Variants in ZDHHC19 observed in about 807,000 individuals in gnomAD.
ZDHHC19 encodes the protein palmitoyltransferase ZDHHC19.
Under a neutral mutation model 33.9 loss-of-function variants are expected in ZDHHC19, and 30 were observed. That is an observed-to-expected ratio of 0.88 (90% CI 0.66 to 1.20). The LOEUF is 1.20. Ranked by LOEUF, ZDHHC19 falls within the 50% of genes most tolerant of loss-of-function variation. ZDHHC19 has a pLI of 0.00. For missense variants in ZDHHC19, 364 were observed against 401.1 expected (o/e 0.91, Z 0.79); for synonymous variants, 178 against 167.6 (o/e 1.06, Z -0.48).
intron 2 of ZDHHC19, among the ~76,000 whole-genome samples, chr3:196,210,257 A>AAAG (rs1723116969): frequency 1.6e-5 from 2 of 127,122 alleles, no homozygotes; most frequent in African/African-American, 6.0e-5. Context: ...AAGAAAAAGA[A>AAAG]AGAAAGAAAA....
chr3:196,210,247 A>T lies in ZDHHC19; in HGVS notation c.268+369T>A, dbSNP rs543653272. On this transcript the variant is annotated intron_variant, in intron 2 of 7. Transcript: ENST00000296326. ...AAGAAAGGAAAGAAGGAAAGAAAGA[A>T]AGAAAAAGAAAGAAAGAAAAGAGAA... Among the ~76,000 whole-genome samples, 6 of 139,582 alleles carry T rather than the reference A, an allele frequency of 4.3e-5. No homozygotes were observed. The East Asian group carries it at 1.2e-3, about 29-fold the overall frequency. The allele number at this position is 139,582 out of a possible 152,430, so 91.6% of individuals were successfully genotyped here. A position where few individuals can be genotyped will look rare whatever the true frequency, so the allele number is the denominator to read the frequency against.
At chr3:196,206,635 G>A (rs1272931326) in intron 5 of ZDHHC19, among the ~76,000 whole-genome samples, 2 of 151,020 alleles carry the variant, frequency 1.3e-5, no homozygotes, top group East Asian at 3.9e-4. Context: ...TTACAGGCAT[G>A]AGCCACGGGG....
chr3:196,201,159 G>A lies in ZDHHC19; in HGVS notation c.688-2285C>T, dbSNP rs922693251. ...ACGATCTTGGCTCACTGCAACCTCC[G>A]CCTCCCGGGTTCAAGCGATTCTTCT... On this transcript the variant is annotated intron_variant, in intron 5 of 7. Transcript: ENST00000296326. Among the ~76,000 whole-genome samples the A allele has an allele frequency of 1.4e-4, 21 of 151,492 alleles. 1 individual carries two copies. The South Asian group carries it at 1.9e-3, about 14-fold the overall frequency.
intron 5 of ZDHHC19, chr3:196,199,215 A>T (rs1722045771): frequency 1.6e-5 from 5 of 306,578 alleles, no homozygotes; most frequent in Non-Finnish European, 3.2e-5. Context: ...GTAAAGGCCA[A>T]GTCGTCCCCT....
chr3:196,200,619 G>A (rs551290300), intron 5 of ZDHHC19, among the ~76,000 whole-genome samples: 3 of 148,882 alleles, frequency 2.0e-5, no homozygotes, highest in East Asian at 4.0e-4. Context: ...CTCCCAAAGT[G>A]CTGGGATTAC....
At position 196,197,882 on chromosome 3, in the gene ZDHHC19, T is replaced by A. The variant is rs1199599406; in HGVS notation, c.*20-157A>T. On this transcript the variant is annotated intron_variant, in intron 7 of 7. Coordinates refer to ENST00000296326, the MANE Select transcript of ZDHHC19 (RefSeq NM_001039617.2). This position sits in a 1 kb window ranked among gnomAD's most constrained non-coding sequence, Gnocchi z 4.4. ...GGGGTTGCCCAGCCCCACGGTGGCC[T>A]CCTGATGCTCCACCTCCATGTCTCA... Among the ~76,000 whole-genome samples the A allele has an allele frequency of 6.6e-6, 1 of 152,050 alleles. No homozygotes were observed. The highest frequency in any genetic ancestry group is 1.5e-5 in the Non-Finnish European group (1 of 67,992).
chr3:196,202,078 G>A (rs1338506375), intron 5 of ZDHHC19, among the ~76,000 whole-genome samples: 1 of 152,192 alleles, frequency 6.6e-6, no homozygotes, highest in East Asian at 1.9e-4. Flanking sequence ...CAGCACTTTG[G>A]GAGGCCAAGA....
intron 1 of ZDHHC19, 104 bp downstream of exon 1, chr3:196,211,066 A>G (rs1560144131): frequency 1.3e-6 from 2 of 1,562,530 alleles, no homozygotes; most frequent in South Asian, 1.1e-5. Context: ...CTTTTCCCTG[A>G]CCTCTCCCCC....
Position 196,203,902 on chromosome 3 carries a change from T to G in ZDHHC19, c.687+3496A>C, listed in dbSNP as rs1188667075. Among the ~76,000 whole-genome samples, 1 of 152,118 alleles carries G rather than the reference T, an allele frequency of 6.6e-6. No individual in the cohort carries two copies. The highest frequency in any genetic ancestry group is 2.4e-5 in the African/African-American group (1 of 41,420). ...AGGTGGTGGGCAGAGAGGGCGCCTG[T>G]GTCCTTCCAGCTGTCTGATACCTGC... On this transcript the variant is annotated intron_variant, in intron 5 of 7. Transcript: ENST00000296326. The surrounding 1 kb of genome is among the most constrained non-coding windows in gnomAD (Gnocchi z 4.3).
In ZDHHC19 at chr3:196,210,680, G is replaced by A. The variant is rs778312288; in HGVS notation, c.204C>T (p.Leu68=). The A allele has an allele frequency of 1.9e-6, 3 of 1,614,106 alleles. No individual in the cohort carries two copies. Among genetic ancestry groups the A allele is most frequent in the Non-Finnish European group, 2.5e-6 (3 of 1,180,012 alleles). Residue 68 remains leucine, a synonymous_variant, in exon 2 of 8, where the codon CTC becomes CTT. Coordinates refer to ENST00000296326, the MANE Select transcript of ZDHHC19 (RefSeq NM_001039617.2). The part of the protein sequence containing the change: ...EWAFPVITGS[L]FVLTFFSLVS... ...CAAGACTGAAGAAGGTAAGGACAAA[G>A]AGGGAGCCTGTGATAACAGGAAAGG...
chr3:196,198,151 C>CA (rs1721941593), intron 7 of ZDHHC19, 125 bp downstream of exon 7: 7 of 964,444 alleles, frequency 7.3e-6, no homozygotes, highest in Non-Finnish European at 9.7e-6. Flanking sequence ...CCTCCTCCCC[C>CA]CAAGCTCGGA....
chr3:196,206,177 G>A (rs540400437), intron 5 of ZDHHC19, among the ~76,000 whole-genome samples: 37 of 151,114 alleles, frequency 2.4e-4, no homozygotes, highest in Admixed American at 5.9e-4. Context: ...TCAGTCTCCC[G>A]AGTAGCTGGG....
rs138043180 is a variant in ZDHHC19, at chr3:196,204,887, A to G, written c.687+2511T>C. ...TTTGGGAGGCTGAGGCAGGCAGATCACTTGAGGTCAGGAGTTCCAGACCAG... is the reference window on the plus strand; with the variant it reads ...TTTGGGAGGCTGAGGCAGGCAGATCGCTTGAGGTCAGGAGTTCCAGACCAG... On this transcript the variant is annotated intron_variant, in intron 5 of 7. Transcript: ENST00000296326. Among the ~76,000 whole-genome samples the G allele has an allele frequency of 1.5e-3, 230 of 152,316 alleles. 1 individual carries two copies. Among genetic ancestry groups the G allele is most frequent in the African/African-American group, 5.3e-3 (221 of 41,562 alleles).
In ZDHHC19 at chr3:196,197,735, G is replaced by C. The variant is rs890893963; in HGVS notation, c.*20-10C>G. The C allele has an allele frequency of 1.3e-5, 2 of 152,396 alleles. No homozygotes were observed. The highest frequency in any genetic ancestry group is 4.8e-5 in the African/African-American group (2 of 41,428). The allele number at this position is 152,396 out of a possible 1,614,324, so 9.4% of individuals were successfully genotyped here. Reference sequence around the variant, plus strand: ...CTGGGCCCGTGTGGAACTAAACACAGAACAGGGGCATGAGTGCTCTCAACA... The same window carrying C: ...CTGGGCCCGTGTGGAACTAAACACACAACAGGGGCATGAGTGCTCTCAACA... On this transcript the variant is annotated splice_polypyrimidine_tract_variant and intron_variant, in intron 7 of 7. Transcript: ENST00000296326. This position sits in a 1 kb window ranked among gnomAD's most constrained non-coding sequence, Gnocchi z 4.4.
chr3:196,210,344 AAG>A (rs1466172474), intron 2 of ZDHHC19, among the ~76,000 whole-genome samples: 1 of 36,226 alleles, frequency 2.8e-5, no homozygotes, highest in East Asian at 1.0e-3. Context: ...AAAGAAAGAA[AAG>A]AGAAAGAAAG....
chr3:196,210,252 AAAG>A (rs1356165789), intron 2 of ZDHHC19, among the ~76,000 whole-genome samples: 3 of 122,036 alleles, frequency 2.5e-5, no homozygotes, highest in African/African-American at 1.1e-4. Context: ...AAAGAAAGAA[AAAG>A]AAAGAAAGAA....
chr3:196,200,543 A>G (rs1265635979), intron 5 of ZDHHC19, among the ~76,000 whole-genome samples: 1 of 149,080 alleles, frequency 6.7e-6, no homozygotes, highest in East Asian at 2.0e-4. Flanking sequence ...TTTAGTAGAG[A>G]CGGGGTTTCA....
rs1553821925 is a variant in ZDHHC19 at position 196,210,421 on chromosome 3, G to GA, written c.268+194_268+195insT. Reference sequence around the variant, plus strand: ...AAAGAGGGAGAGAGAGAGGAAGGAAGGAAAGAAAGAAAGAGAAAGAAAGAA... The same window carrying GA: ...AAAGAGGGAGAGAGAGAGGAAGGAAGAGAAAGAAAGAAAGAGAAAGAAAGAA... On this transcript the variant is annotated intron_variant, in intron 2 of 7. Coordinates refer to ENST00000296326, the MANE Select transcript of ZDHHC19 (RefSeq NM_001039617.2). Among the ~76,000 whole-genome samples the GA allele has an allele frequency of 1.1e-3, 142 of 132,846 alleles. 3 individuals are homozygous for GA. Among genetic ancestry groups the GA allele is most frequent in the African/African-American group, 2.0e-3 (69 of 35,250 alleles). 87.2% of individuals were successfully genotyped at this position (132,846 alleles called of 152,430 possible).
chr3:196,207,610 GC>G (rs980298365), intron 4 of ZDHHC19, 107 bp from the exon 5 acceptor site: 3 of 142,934 alleles, frequency 2.1e-5, no homozygotes, highest in Non-Finnish European at 3.2e-5. Flanking sequence ...CGCCCCTCAG[GC>G]CCGACTCCGC....
Sources: gnomAD v4.1 joint callset for allele counts (sites outside exome capture counted in the v4.1 genomes callset) on GRCh38, gnomAD v4.1.1 for gene constraint, Gnocchi (gnomAD v3.1) non-coding constraint, MANE v1.5 for transcripts, NCBI Gene and HGNC (gene_info 2026-07-23, HGNC 2026-07-21) for gene names.